The following LIG1 variants were observed in gnomAD, a reference collection of about 807,000 sequenced individuals.
LIG1 encodes DNA ligase 1, also known as ligase I, DNA, ATP-dependent.
Under a neutral mutation model 115.7 loss-of-function variants are expected in LIG1, and 70 were observed. The observed-to-expected ratio is 0.60, with a 90% CI of 0.50 to 0.74. LIG1 has a LOEUF of 0.74. Ranked by LOEUF, LIG1 falls within the 30% of genes least tolerant of loss-of-function variation. The pLI, the probability that LIG1 is intolerant of heterozygous loss-of-function variation, is 0.00. For missense variants in LIG1, 1,115 were observed against 1,225.6 expected (o/e 0.91, Z 1.35); for synonymous variants, 487 against 495.3 (o/e 0.98, Z 0.22).
rs762491468 is a variant in LIG1, at chr19:48,115,648, C to CT, written c.2760dup. The CT allele has an allele frequency of 6.6e-5, 107 of 1,611,002 alleles. 1 individual carries two copies. Among genetic ancestry groups the CT allele is most frequent in the Non-Finnish European group, 8.7e-5 (102 of 1,177,272 alleles). On this transcript the variant is annotated 3_prime_UTR_variant, in exon 28 of 28. Transcript: ENST00000263274. The stretch of plus-strand genomic sequence containing the variant: ...TACCCAGGCCCTAGGAGGGCGAGGG[C>CT]TTAGTAGGTATCTTCAGGGTCAGAG...
At chr19:48,138,256 A>G (rs1391157953) in intron 12 of LIG1, among the ~76,000 whole-genome samples, 1 of 152,148 alleles carries the variant, frequency 6.6e-6, no homozygotes, top group Admixed American at 6.5e-5. Context: ...CTCTCAACCT[A>G]TCAGAACCAA....
chr19:48,153,077 C>T (rs7248694), intron 6 of LIG1, among the ~76,000 whole-genome samples: 17,339 of 151,428 alleles, frequency 0.11, 1,673 homozygotes, highest in African/African-American at 0.26. Flanking sequence ...TGTCTGTAAT[C>T]CCAGCTACTC....
At chr19:48,133,563 A>G in intron 17 of LIG1, 1 of 314,500 alleles carries the variant, frequency 3.2e-6, no homozygotes, top group Non-Finnish European at 6.2e-6. Flanking sequence ...GTGTGACAGA[A>G]AGAAATTCTA....
Position 48,115,647 on chromosome 19 carries a change from G to A in LIG1, c.*2C>T, listed in dbSNP as rs780430527. 27 of 1,609,726 alleles carry A rather than the reference G, an allele frequency of 1.7e-5. No homozygotes were observed. The highest frequency in any genetic ancestry group is 2.3e-5 in the Non-Finnish European group (27 of 1,176,094). On this transcript the variant is annotated 3_prime_UTR_variant, in exon 28 of 28. Transcript: ENST00000263274. ...GTACCCAGGCCCTAGGAGGGCGAGG[G>A]CTTAGTAGGTATCTTCAGGGTCAGA...
At chr19:48,143,462 A>G in intron 11 of LIG1, 81 bp downstream of exon 11, 4 of 1,261,786 alleles carry the variant, frequency 3.2e-6, no homozygotes, top group Non-Finnish European at 4.6e-6. Context: ...GGTTTGGCGG[A>G]ACAAGGCAGC....
intron 27 of LIG1, 47 bp from the exon 28 acceptor site, chr19:48,115,779 T>G: frequency 6.3e-7 from 1 of 1,584,420 alleles, no homozygotes; most frequent in Non-Finnish European, 8.7e-7. Context: ...CCCTGGCTGC[T>G]CCCACCTCCA....
intron 19 of LIG1, 110 bp downstream of exon 19, chr19:48,130,966 T>C: frequency 1.2e-6 from 1 of 834,840 alleles, no homozygotes; most frequent in Non-Finnish European, 2.0e-6. Context: ...CGCAACCTGA[T>C]CTCCTCCCAA....
chr19:48,135,910 G>GC, intron 15 of LIG1, 124 bp downstream of exon 15: 1 of 593,796 alleles, frequency 1.7e-6, no homozygotes, highest in East Asian at 3.7e-5. Context: ...CCCCCACCCA[G>GC]GAGAGAGGAG....
chr19:48,163,349 G>A (rs1042722540), intron 2 of LIG1, among the ~76,000 whole-genome samples: 4 of 152,044 alleles, frequency 2.6e-5, no homozygotes, highest in South Asian at 2.1e-4. Context: ...AGCCTCCTGA[G>A]TAGCTGAGAT....
At chr19:48,162,933 T>TTA (rs397746791) in intron 2 of LIG1, among the ~76,000 whole-genome samples, 1 of 150,802 alleles carries the variant, frequency 6.6e-6, no homozygotes, top group African/African-American at 2.4e-5. Flanking sequence ...CTTTTTTTTT[T>TTA]AGACAGACTC....
At position 48,131,078 on chromosome 19, in the gene LIG1, T is replaced by C; in HGVS notation, c.1819A>G (p.Lys607Glu). 1 of 1,613,650 alleles carries C rather than the reference T, an allele frequency of 6.2e-7. No homozygotes were observed. The highest frequency in any genetic ancestry group is 8.5e-7 in the Non-Finnish European group (1 of 1,179,534). ...KYPDIISRIP[K>E]IKLPSVTSFI... ...GCAAGTGTGTGGCAGACGCCCACCT[T>C]GGGGATGCGGCTGATGATGTCCGGG... The change falls in exon 19 of 28, where the codon AAG (lysine) becomes GAG (glutamate). Residue 607 changes from lysine to glutamate, a missense_variant and splice_region_variant. Transcript: ENST00000263274.
intron 11 of LIG1, among the ~76,000 whole-genome samples, chr19:48,142,443 A>AAAAAAAAAAAAAAAAAAC (rs753226952): frequency 1.2e-5 from 1 of 82,500 alleles, no homozygotes; most frequent in East Asian, 3.5e-4. Context: ...ACTCCATCTC[A>AAAAAAAAAAAAAAAAAAC]AAAAAAAAAA....
At chr19:48,146,196 T>A (rs1336310761) in intron 9 of LIG1, 1 of 152,250 alleles carries the variant, frequency 6.6e-6, no homozygotes. Context: ...GTGACCAGGC[T>A]AGGAATGGTG....
At position 48,131,109 on chromosome 19, in the gene LIG1, C is replaced by T; in HGVS notation, c.1788G>A (p.Gly596=). 6.2e-7 allele frequency: 1 copy of T among 1,614,128 alleles called. No individual in the cohort carries two copies. Residue 596 remains glycine (G), a synonymous_variant, in exon 19 of 28, where the codon GGG becomes GGA. Coordinates refer to ENST00000263274, the MANE Select transcript of LIG1 (RefSeq NM_000234.3). ...TGCGGCTGATGATGTCCGGGTACTT[C>T]CCAGTGTTGTCTTCCTGATTCCTGC... ...IFSRNQEDNT[G]KYPDIISRIP...
intron 7 of LIG1, 38 bp downstream of exon 7, chr19:48,151,194 G>A: frequency 7.8e-7 from 1 of 1,285,814 alleles, no homozygotes; most frequent in Non-Finnish European, 1.1e-6. Flanking sequence ...CCAAAATCAG[G>A]AGGTGGGGCA....
chr19:48,124,929 C>T (rs2033563054), intron 21 of LIG1, among the ~76,000 whole-genome samples: 1 of 151,556 alleles, frequency 6.6e-6, no homozygotes, highest in Non-Finnish European at 1.5e-5. Context: ...GCAGGAGAAT[C>T]ACTTGAACGC....
chr19:48,151,928 T>G (rs959343936), intron 6 of LIG1, among the ~76,000 whole-genome samples: 2 of 151,896 alleles, frequency 1.3e-5, no homozygotes, highest in African/African-American at 4.9e-5. Flanking sequence ...GACAGCCTGT[T>G]ATAGACAAAA....
chr19:48,138,622 G>A (rs983087543), intron 12 of LIG1, among the ~76,000 whole-genome samples: 1 of 152,210 alleles, frequency 6.6e-6, no homozygotes, highest in Non-Finnish European at 1.5e-5. Flanking sequence ...GACAGCCACG[G>A]GGGCCACAAG....
chr19:48,123,729 T>C (rs1207023874), intron 21 of LIG1: 2 of 297,942 alleles, frequency 6.7e-6, no homozygotes, highest in Non-Finnish European at 1.3e-5. Flanking sequence ...GCGACTGTCT[T>C]GCGTCGGCCT....
Sources: allele counts gnomAD v4.1 joint callset (sites outside exome capture counted in the v4.1 genomes callset), GRCh38; gene constraint gnomAD v4.1.1; transcripts MANE v1.5; gene names NCBI Gene and HGNC (gene_info 2026-07-23, HGNC 2026-07-21).